Variants in DCC observed in about 807,000 individuals in gnomAD.
The protein encoded by DCC is netrin receptor DCC.
Under a neutral mutation model 172.5 loss-of-function variants are expected in DCC, and 58 were observed. The ratio of observed to expected loss-of-function variants is 0.34; its 90% confidence interval spans 0.27 to 0.42. DCC has a LOEUF of 0.42. Among genes scored for constraint, DCC ranks in the 10% least tolerant of loss-of-function variants. DCC has a pLI of 1.00. For synonymous variants in DCC, 709 were observed against 644.5 expected, an observed-to-expected ratio of 1.10 and a Z score of -1.52; for missense variants, 1,740 against 1,791.0, an observed-to-expected ratio of 0.97 and a Z score of 0.51.
intron 1 of DCC, among the ~76,000 whole-genome samples, chr18:52,478,823 C>A (rs1424841259): frequency 6.6e-6 from 1 of 152,158 alleles, no homozygotes; most frequent in Non-Finnish European, 1.5e-5. Flanking sequence ...GAGAAATCCA[C>A]CCCCATGATC....
intron 5 of DCC, among the ~76,000 whole-genome samples, chr18:52,993,270 C>A (rs986595253): frequency 4.6e-5 from 7 of 152,092 alleles, no homozygotes; most frequent in Admixed American, 2.6e-4. Context: ...TGGTTATAGC[C>A]AGTTTTATTT....
intron 22 of DCC, among the ~76,000 whole-genome samples, chr18:53,446,195 A>G (rs1222482078): frequency 2.0e-5 from 3 of 151,026 alleles, no homozygotes; most frequent in African/African-American, 7.3e-5. Context: ...CTGAGATGGG[A>G]GAATTGCTTG....
intron 12 of DCC, among the ~76,000 whole-genome samples, chr18:53,242,278 T>C (rs1029194688): frequency 6.6e-6 from 1 of 152,086 alleles, no homozygotes; most frequent in African/African-American, 2.4e-5. Flanking sequence ...GTAAACAACC[T>C]ACAAAAAGAC....
At chr18:52,664,703 C>T (rs955264807) in intron 1 of DCC, among the ~76,000 whole-genome samples, 1 of 151,888 alleles carries the variant, frequency 6.6e-6, no homozygotes, top group African/African-American at 2.4e-5. Flanking sequence ...GATCTCCTGA[C>T]CTCGTGATCC....
At chr18:52,736,059 A>G (rs193085327) in intron 1 of DCC, among the ~76,000 whole-genome samples, 7 of 152,236 alleles carry the variant, frequency 4.6e-5, no homozygotes, top group Admixed American at 2.6e-4. Context: ...AGAAAAAGAA[A>G]TAACATATAT....
intron 1 of DCC, among the ~76,000 whole-genome samples, chr18:52,371,562 T>C (rs755237223): frequency 6.6e-6 from 1 of 152,226 alleles, no homozygotes; most frequent in African/African-American, 2.4e-5. Context: ...TTACCCTTTT[T>C]CACCTTCTTA....
intron 1 of DCC, among the ~76,000 whole-genome samples, chr18:52,516,345 G>A (rs549149527): frequency 2.0e-5 from 3 of 152,288 alleles, no homozygotes; most frequent in East Asian, 3.9e-4. Context: ...GTGTTGTTCA[G>A]CAGGTAAGCG....
intron 1 of DCC, among the ~76,000 whole-genome samples, chr18:52,403,475 T>C (rs1257582050): frequency 1.3e-5 from 2 of 152,030 alleles, no homozygotes; most frequent in African/African-American, 2.4e-5. Flanking sequence ...AATTGTGTTT[T>C]GATTCATGGC....
At chr18:53,367,058 G>A (rs2058013323) in intron 15 of DCC, among the ~76,000 whole-genome samples, 1 of 152,168 alleles carries the variant, frequency 6.6e-6, no homozygotes, top group African/African-American at 2.4e-5. Flanking sequence ...TTTTGACACA[G>A]TTTATGCCAT....
At chr18:53,446,111 A>AC (rs1555672925) in intron 22 of DCC, among the ~76,000 whole-genome samples, 2 of 137,694 alleles carry the variant, frequency 1.5e-5, no homozygotes, top group African/African-American at 6.2e-5. Flanking sequence ...AAAAAAAAAA[A>AC]AAACAAAAAA....
At chr18:52,637,467 A>G (rs1049013183) in intron 1 of DCC, among the ~76,000 whole-genome samples, 10 of 152,178 alleles carry the variant, frequency 6.6e-5, no homozygotes, top group Non-Finnish European at 1.3e-4. Context: ...GCCTAAAGAA[A>G]AAAAAATAAA....
At chr18:52,498,515 T>C (rs528915200) in intron 1 of DCC, among the ~76,000 whole-genome samples, 2 of 152,114 alleles carry the variant, frequency 1.3e-5, no homozygotes, top group South Asian at 2.1e-4. Flanking sequence ...TCCCAGTTAC[T>C]CAGGAGGCTG....
intron 14 of DCC, among the ~76,000 whole-genome samples, chr18:53,338,000 TA>T (rs1206792648): frequency 6.6e-6 from 1 of 152,232 alleles, no homozygotes; most frequent in African/African-American, 2.4e-5. Flanking sequence ...AAATCACTGA[TA>T]TTTTTGAGTA....
intron 2 of DCC, among the ~76,000 whole-genome samples, chr18:52,819,217 T>A (rs1252656814): frequency 1.3e-5 from 2 of 152,150 alleles, no homozygotes; most frequent in Admixed American, 1.3e-4. Flanking sequence ...AAAGAGCTAA[T>A]CACCCTCCTC....
At chr18:53,292,121 C>T (rs199845335) in intron 12 of DCC, among the ~76,000 whole-genome samples, 12 of 151,708 alleles carry the variant, frequency 7.9e-5, no homozygotes, top group Non-Finnish European at 1.6e-4. Context: ...CCACCCCCCC[C>T]CCCTTTTTTC....
intron 2 of DCC, among the ~76,000 whole-genome samples, chr18:52,872,871 A>G (rs1451843907): frequency 6.6e-6 from 1 of 152,170 alleles, no homozygotes; most frequent in Non-Finnish European, 1.5e-5. Flanking sequence ...TCTTCACCAC[A>G]TTTTATTATT....
chr18:52,392,870 A>G (rs1986082693), intron 1 of DCC, among the ~76,000 whole-genome samples: 1 of 152,080 alleles, frequency 6.6e-6, no homozygotes, highest in Non-Finnish European at 1.5e-5. Context: ...ATGCAATACC[A>G]ATAGCATCCT....
At chr18:52,497,559 A>T (rs1016850357) in intron 1 of DCC, among the ~76,000 whole-genome samples, 1 of 151,832 alleles carries the variant, frequency 6.6e-6, no homozygotes, top group African/African-American at 2.4e-5. Context: ...AAACTGGAGG[A>T]TCTTTTTCTT....
intron 2 of DCC, among the ~76,000 whole-genome samples, chr18:52,769,974 T>TG (rs201780383): frequency 0.014 from 2,149 of 152,362 alleles, 35 homozygotes; most frequent in Admixed American, 0.044. Flanking sequence ...CATCATCTCT[T>TG]GCCTGCTTCT....
Sources: gnomAD v4.1 joint callset for allele counts (sites outside exome capture counted in the v4.1 genomes callset) on GRCh38, gnomAD v4.1.1 for gene constraint, MANE v1.5 for transcripts, NCBI Gene and HGNC (gene_info 2026-07-23, HGNC 2026-07-21) for gene names.